Variants in RBFOX3 observed in about 807,000 individuals in gnomAD.
RBFOX3 encodes RNA binding protein fox-1 homolog 3.
In RBFOX3, 17 loss-of-function variants were observed where a neutral mutation model predicts 48.7. The ratio of observed to expected loss-of-function variants is 0.35; its 90% CI spans 0.24 to 0.52. The LOEUF (loss-of-function observed/expected upper bound fraction) is 0.52. Among genes scored for constraint, RBFOX3 ranks in the 20% least tolerant of loss-of-function variants. The probability of loss-of-function intolerance (pLI) is 0.94; values close to 1 mark genes in which losing one functional copy is unlikely to be tolerated. For missense variants in RBFOX3, 382 were observed against 497.5 expected (o/e 0.77, Z 2.21); for synonymous variants, 212 against 209.5 (o/e 1.01, Z -0.10).
chr17:79,095,809 C>T (rs775795374), intron 12 of RBFOX3, among the ~76,000 whole-genome samples: 1 of 152,182 alleles, frequency 6.6e-6, no homozygotes, highest in Non-Finnish European at 1.5e-5. Flanking sequence ...CAGTTCAGGG[C>T]GAGGCAGGTC....
chr17:79,176,376 C>A (rs970012262), intron 4 of RBFOX3, among the ~76,000 whole-genome samples: 41 of 152,192 alleles, frequency 2.7e-4, no homozygotes, highest in Non-Finnish European at 4.4e-4. Context: ...GGCACCAGAG[C>A]CCCCAGCACC....
chr17:79,139,163 C>G (rs1245962109), intron 4 of RBFOX3, among the ~76,000 whole-genome samples: 1 of 152,184 alleles, frequency 6.6e-6, no homozygotes, highest in Non-Finnish European at 1.5e-5. Context: ...ATGCTCACAC[C>G]TGGGCTCACA....
intron 1 of RBFOX3, among the ~76,000 whole-genome samples, chr17:79,561,279 G>C (rs1348217210): frequency 1.3e-4 from 20 of 152,144 alleles, no homozygotes; most frequent in Non-Finnish European, 4.4e-5. Flanking sequence ...GGGAGTGTCA[G>C]GGGTGCCAGA....
In RBFOX3 at chr17:79,304,630, G is replaced by A. The variant is rs566993067; in HGVS notation, c.-74+3094C>T. ...TGTATTTTCCACAAAAACATCTATT[G>A]CTTGTGTAATAATAAAAAGATACTG... On this transcript the variant is annotated intron_variant, in intron 3 of 14. Coordinates refer to ENST00000693108, the MANE Select transcript of RBFOX3 (RefSeq NM_001350451.2). Among the ~76,000 whole-genome samples, 4 of 152,104 alleles carry A rather than the reference G, an allele frequency of 2.6e-5. No homozygotes were observed. In the East Asian group the frequency reaches 7.7e-4, roughly 29 times the overall value.
At chr17:79,519,179 T>C (rs1355307213) in intron 1 of RBFOX3, among the ~76,000 whole-genome samples, 1 of 152,248 alleles carries the variant, frequency 6.6e-6, no homozygotes, top group Non-Finnish European at 1.5e-5. Flanking sequence ...CCAGTTTCTA[T>C]TCTGCTTCTC....
At chr17:79,187,335 C>T (rs776534069) in intron 4 of RBFOX3, among the ~76,000 whole-genome samples, 1 of 152,222 alleles carries the variant, frequency 6.6e-6, no homozygotes, top group Non-Finnish European at 1.5e-5. Context: ...GGCCGACCAT[C>T]CTCAGGCTTC....
At chr17:79,642,722 G>A in the RBFOX3 span, among the ~76,000 whole-genome samples, 1 of 152,034 alleles carries the variant, frequency 6.6e-6, no homozygotes, top group East Asian at 1.9e-4. Flanking sequence ...CCACAAAGAA[G>A]GCCGAGAAGG....
At chr17:79,645,765 C>T in the RBFOX3 span, among the ~76,000 whole-genome samples, 2 of 152,330 alleles carry the variant, frequency 1.3e-5, no homozygotes, top group African/African-American at 2.4e-5. Flanking sequence ...AGGAGTGAAG[C>T]GGGGTTAGCC....
intron 4 of RBFOX3, among the ~76,000 whole-genome samples, chr17:79,229,935 T>C (rs1293580685): frequency 2.0e-5 from 3 of 152,192 alleles, no homozygotes; most frequent in African/African-American, 7.2e-5. Context: ...AGGTTTCACT[T>C]GTGATGACCT....
At chr17:79,427,012 C>G (rs1555725883) in intron 2 of RBFOX3, among the ~76,000 whole-genome samples, 2 of 152,142 alleles carry the variant, frequency 1.3e-5, no homozygotes, top group East Asian at 3.9e-4. Context: ...CCCCGGAGTC[C>G]CTTTTCTTAG....
chr17:79,372,575 C>T (rs565782370), intron 2 of RBFOX3, among the ~76,000 whole-genome samples: 4 of 152,252 alleles, frequency 2.6e-5, no homozygotes, highest in African/African-American at 9.6e-5. Context: ...CCCCCAGATC[C>T]CTGCCAGGAT....
At chr17:79,247,560 C>A (rs562861783) in intron 3 of RBFOX3, among the ~76,000 whole-genome samples, 17 of 152,254 alleles carry the variant, frequency 1.1e-4, no homozygotes, top group African/African-American at 3.6e-4. Context: ...GATCCGCCCA[C>A]CTTGGCCTCC....
chr17:79,622,285 C>A, the RBFOX3 span, among the ~76,000 whole-genome samples: 1 of 152,156 alleles, frequency 6.6e-6, no homozygotes, highest in African/African-American at 2.4e-5. Context: ...AGGACCGAGC[C>A]CCCTCCTTCC....
At chr17:79,168,982 C>T (rs1259332875) in intron 4 of RBFOX3, among the ~76,000 whole-genome samples, 1 of 152,218 alleles carries the variant, frequency 6.6e-6, no homozygotes, top group Non-Finnish European at 1.5e-5. Context: ...TGCCTGCCAC[C>T]CTTGGAAACA....
At position 79,482,974 on chromosome 17, in the gene RBFOX3, C is replaced by T. The variant is rs1445421153; in HGVS notation, c.-319-376G>A. On this transcript the variant is annotated intron_variant, in intron 1 of 14. Transcript: ENST00000693108. The surrounding 1 kb of genome is among the most constrained non-coding windows in gnomAD (Gnocchi z 4.1). The stretch of plus-strand genomic sequence containing the variant: ...TTCCCACTACCGCCCGCTCTTGCTT[C>T]CTCCCCCACCCAGCCTAGATTCCAG... 1.3e-5 allele frequency among the ~76,000 whole-genome samples: 2 copies of T among 152,006 alleles called. No individual in the cohort carries two copies. Among genetic ancestry groups the T allele is most frequent in the Non-Finnish European group, 2.9e-5 (2 of 67,956 alleles).
intron 2 of RBFOX3, among the ~76,000 whole-genome samples, chr17:79,374,622 G>A (rs2058992171): frequency 6.6e-6 from 1 of 152,222 alleles, no homozygotes; most frequent in South Asian, 2.1e-4. Context: ...GTTGGCACAC[G>A]CACGGCACAT....
chr17:79,178,255 T>C (rs1388010418), intron 4 of RBFOX3, among the ~76,000 whole-genome samples: 1 of 152,208 alleles, frequency 6.6e-6, no homozygotes, highest in Non-Finnish European at 1.5e-5. Flanking sequence ...CCCTTCCGCT[T>C]TTCTGAACCC....
At chr17:79,630,452 C>T in the RBFOX3 span, among the ~76,000 whole-genome samples, 3 of 152,166 alleles carry the variant, frequency 2.0e-5, no homozygotes, top group Non-Finnish European at 4.4e-5. Context: ...GAGCTCTTCT[C>T]GGAGGAAATG....
intron 3 of RBFOX3, among the ~76,000 whole-genome samples, chr17:79,238,457 G>C (rs186533913): frequency 7.1e-4 from 108 of 152,222 alleles, no homozygotes; most frequent in African/African-American, 2.4e-3. Context: ...AAAGATTCAG[G>C]GCTTCACCTC....
Sources: gnomAD v4.1 joint callset for allele counts (sites outside exome capture counted in the v4.1 genomes callset) on GRCh38, gnomAD v4.1.1 for gene constraint, Gnocchi (gnomAD v3.1) non-coding constraint, MANE v1.5 for transcripts, NCBI Gene and HGNC (gene_info 2026-07-23, HGNC 2026-07-21) for gene names.